The following ITGAV variants were observed in gnomAD, a reference collection of about 807,000 sequenced individuals.
ITGAV encodes the protein integrin subunit alpha V.
In ITGAV, 76 loss-of-function variants were observed where a neutral mutation model predicts 143.8. That is an observed-to-expected ratio of 0.53 (90% CI 0.44 to 0.64). The LOEUF is 0.64. Among genes scored for constraint, ITGAV ranks in the 30% least tolerant of loss-of-function variants. ITGAV has a pLI of 0.00. For missense variants in ITGAV, 1,193 were observed against 1,274.7 expected (o/e 0.94, Z 0.98); for synonymous variants, 453 against 446.7 (o/e 1.01, Z -0.18).
intron 3 of ITGAV, 113 bp downstream of exon 3, chr2:186,622,543 G>A: frequency 1.4e-6 from 1 of 698,368 alleles, no homozygotes; most frequent in Non-Finnish European, 2.6e-6. Context: ...AGGGCACAGG[G>A]TATAACAACA....
chr2:186,610,210 A>T (rs918891884), intron 2 of ITGAV, among the ~76,000 whole-genome samples: 14 of 152,196 alleles, frequency 9.2e-5, no homozygotes, highest in Admixed American at 2.6e-4. Flanking sequence ...GTTTCATGAT[A>T]CAAAGTTTAA....
chr2:186,644,302 G>T (rs934354870), intron 12 of ITGAV, among the ~76,000 whole-genome samples: 9 of 150,848 alleles, frequency 6.0e-5, no homozygotes, highest in African/African-American at 9.7e-5. Context: ...CTTATCTTTG[G>T]TTTTTTTGTT....
At chr2:186,602,507 A>G (rs746256685) in intron 2 of ITGAV, among the ~76,000 whole-genome samples, 2 of 152,194 alleles carry the variant, frequency 1.3e-5, no homozygotes, top group Non-Finnish European at 2.9e-5. Context: ...TGTCAACCAA[A>G]TTGAAGCATG....
intron 18 of ITGAV, among the ~76,000 whole-genome samples, chr2:186,662,633 A>G (rs962523720): frequency 6.6e-6 from 1 of 152,236 alleles, no homozygotes; most frequent in East Asian, 1.9e-4. Context: ...ATTTCTAATA[A>G]AACCTAAGTA....
intron 10 of ITGAV, among the ~76,000 whole-genome samples, chr2:186,638,818 C>G (rs530438735): frequency 1.3e-5 from 2 of 150,870 alleles, no homozygotes; most frequent in South Asian, 2.1e-4. Flanking sequence ...ATTCAATATT[C>G]TAGATATAAG....
At chr2:186,633,417 G>A (rs201384789) in intron 6 of ITGAV, 43 bp downstream of exon 6, 38 of 1,160,450 alleles carry the variant, frequency 3.3e-5, no homozygotes, top group Middle Eastern at 4.0e-4. Context: ...ACTATGTGTC[G>A]CTGATTCACC....
At chr2:186,600,185 C>T (rs1686859734) in intron 1 of ITGAV, 2 of 669,748 alleles carry the variant, frequency 3.0e-6, no homozygotes, top group Non-Finnish European at 5.0e-6. Context: ...CGGCTTGTCC[C>T]CTCCTTCAGC....
chr2:186,646,550 T>A (rs1688263468), intron 12 of ITGAV, 136 bp from the exon 13 acceptor site: 1 of 584,426 alleles, frequency 1.7e-6, no homozygotes. Flanking sequence ...GTACAAATAA[T>A]TACAAGTACT....
At chr2:186,612,159 A>G (rs922812977) in intron 2 of ITGAV, among the ~76,000 whole-genome samples, 9 of 152,290 alleles carry the variant, frequency 5.9e-5, no homozygotes, top group Non-Finnish European at 1.3e-4. Context: ...TTATTGTGAC[A>G]TTTGAGAAAA....
In ITGAV at chr2:186,677,430, AATTAT is replaced by A; in HGVS notation, c.*142_*146del. The A allele has an allele frequency of 1.6e-6, 1 of 628,150 alleles. No homozygotes were observed. Among genetic ancestry groups the A allele is most frequent in the Non-Finnish European group, 2.8e-6 (1 of 352,208 alleles). 38.9% of individuals were successfully genotyped at this position (628,150 alleles called of 1,614,324 possible). ...TAATTGGCATTAACCACAAAATGAG[AATTAT>A]ATTTGTCAACCTTCTCCTTATAAAT... On this transcript the variant is annotated 3_prime_UTR_variant, in exon 30 of 30. Transcript: ENST00000261023.
Position 186,675,986 on chromosome 2 carries a change from T to C in ITGAV, c.2928+59T>C, listed in dbSNP as rs535137009. On this transcript the variant is annotated intron_variant, in intron 28 of 29. Transcript: ENST00000261023. ...TACTCAATTCAAATGCTGTACATGTTTTTATTTTGTTTTTTAAAGAACGAC... is the reference window on the plus strand; with the variant it reads ...TACTCAATTCAAATGCTGTACATGTCTTTATTTTGTTTTTTAAAGAACGAC... 6 of 927,724 alleles carry C rather than the reference T, an allele frequency of 6.5e-6. No individual in the cohort carries two copies. The East Asian group carries it at 9.8e-5, about 15-fold the overall frequency. 57.5% of individuals were successfully genotyped at this position (927,724 alleles called of 1,614,324 possible).
intron 2 of ITGAV, among the ~76,000 whole-genome samples, chr2:186,617,858 T>C (rs576375308): frequency 1.3e-5 from 2 of 152,252 alleles, no homozygotes; most frequent in Non-Finnish European, 2.9e-5. Flanking sequence ...TATTCTTGGC[T>C]GTTGCCGGAG....
intron 24 of ITGAV, 56 bp from the exon 25 acceptor site, chr2:186,668,706 G>C (rs1176874407): frequency 6.7e-7 from 1 of 1,500,306 alleles, no homozygotes; most frequent in East Asian, 2.3e-5. Flanking sequence ...GTAGGGGAAG[G>C]ATTATGGAAC....
intron 1 of ITGAV, among the ~76,000 whole-genome samples, chr2:186,596,661 A>AGTG: frequency 6.6e-6 from 1 of 152,012 alleles, no homozygotes; most frequent in Admixed American, 6.5e-5. Flanking sequence ...GGCCTCCCAA[A>AGTG]GTGCTAGGAT....
At chr2:186,667,424 G>T (rs930868253) in intron 23 of ITGAV, among the ~76,000 whole-genome samples, 194 bp downstream of exon 23, 5 of 152,188 alleles carry the variant, frequency 3.3e-5, no homozygotes, top group Non-Finnish European at 7.4e-5. Flanking sequence ...AAAGGAACAA[G>T]ACATGGCAAC....
intron 13 of ITGAV, among the ~76,000 whole-genome samples, chr2:186,647,905 T>C (rs918524044): frequency 9.9e-5 from 15 of 152,206 alleles, no homozygotes; most frequent in African/African-American, 1.2e-4. Flanking sequence ...CATAAATTAG[T>C]AGTATTTTAG....
rs201554462 is a variant in ITGAV at position 186,678,705 on chromosome 2, T to G, written c.*1413T>G. On this transcript the variant is annotated 3_prime_UTR_variant, in exon 30 of 30. Transcript: ENST00000261023. ...GATTTATTCACAGTTCCTCAAGGCC[T>G]GGGGATGATGATCAGTTATACCTAT... The G allele has an allele frequency of 1.3e-5, 6 of 455,562 alleles. No individual in the cohort carries two copies. Among genetic ancestry groups the G allele is most frequent in the Non-Finnish European group, 2.7e-5 (6 of 226,338 alleles). 28.2% of individuals were successfully genotyped at this position (455,562 alleles called of 1,614,324 possible).
chr2:186,630,717 A>G lies in ITGAV; in HGVS notation c.524-80A>G, dbSNP rs117173200. The G allele has an allele frequency of 1.3e-4, 94 of 745,510 alleles. No homozygotes were observed. In the East Asian group the frequency reaches 2.3e-3, roughly 18 times the overall value. The allele number at this position is 745,510 out of a possible 1,614,324, so 46.2% of individuals were successfully genotyped here. ...AATTGGTACATTATCTTATGATTCT[A>G]GTGATATCAGATTTTCTCATGTTTT... On this transcript the variant is annotated intron_variant, in intron 4 of 29. Coordinates refer to ENST00000261023, the MANE Select transcript of ITGAV (RefSeq NM_002210.5).
rs1046176617 is a variant in ITGAV, at chr2:186,666,873, G to A, written c.2246+90G>A. On this transcript the variant is annotated intron_variant, in intron 22 of 29. Coordinates refer to ENST00000261023, the MANE Select transcript of ITGAV (RefSeq NM_002210.5). ...TGTAATATACTTTAAATATAAAGTA[G>A]CAGATTAAATTTTATTGCTTGACTA... The A allele has an allele frequency of 1.3e-5, 8 of 628,800 alleles. No homozygotes were observed. In the African/African-American group the frequency reaches 1.5e-4, roughly 12 times the overall value. The allele number at this position is 628,800 out of a possible 1,614,324, so 39.0% of individuals were successfully genotyped here.
Sources: allele counts gnomAD v4.1 joint callset (sites outside exome capture counted in the v4.1 genomes callset), GRCh38; gene constraint gnomAD v4.1.1; transcripts MANE v1.5; gene names NCBI Gene and HGNC (gene_info 2026-07-23, HGNC 2026-07-21).